The following PRKCA variants were observed in gnomAD, a reference collection of about 807,000 sequenced individuals.
PRKCA encodes protein kinase C alpha type.
A neutral mutation model predicts 87.0 loss-of-function variants in PRKCA; 27 were observed. The ratio of observed to expected loss-of-function variants is 0.31; its 90% CI spans 0.23 to 0.43. The LOEUF is 0.43. PRKCA is among the 20% of genes least tolerant of loss of function. PRKCA has a pLI of 1.00. For synonymous variants in PRKCA, 329 were observed against 311.1 expected (o/e 1.06, Z -0.61); for missense variants, 518 against 852.3 (o/e 0.61, Z 4.88).
intron 2 of PRKCA, among the ~76,000 whole-genome samples, chr17:66,399,173 G>A (rs373174859): frequency 6.7e-6 from 1 of 148,214 alleles, no homozygotes; most frequent in Admixed American, 6.9e-5. Flanking sequence ...ATCGCGGCTC[G>A]CTGTACCCTC....
intron 2 of PRKCA, among the ~76,000 whole-genome samples, chr17:66,421,851 TCTTTTTCTCTA>T (rs1384071107): frequency 6.6e-6 from 1 of 152,094 alleles, no homozygotes; most frequent in African/African-American, 2.4e-5. Flanking sequence ...CCTTGAAATT[TCTTTTTCTCTA>T]CTTTTTCCTT....
chr17:66,432,223 A>G (rs1214900424), intron 2 of PRKCA, among the ~76,000 whole-genome samples: 2 of 152,072 alleles, frequency 1.3e-5, no homozygotes, highest in Non-Finnish European at 2.9e-5. Context: ...AGGCTTTGAG[A>G]GGTGGGAGTG....
At chr17:66,529,661 T>C (rs1967473498) in intron 3 of PRKCA, among the ~76,000 whole-genome samples, 1 of 152,192 alleles carries the variant, frequency 6.6e-6, no homozygotes, top group African/African-American at 2.4e-5. Flanking sequence ...TTGTTTGTAT[T>C]TGTCCCAAGG....
intron 3 of PRKCA, among the ~76,000 whole-genome samples, chr17:66,613,331 T>C (rs955773585): frequency 6.6e-6 from 1 of 152,176 alleles, no homozygotes; most frequent in Non-Finnish European, 1.5e-5. Context: ...ACAAGAGAGA[T>C]GGTTATTTTT....
intron 4 of PRKCA, among the ~76,000 whole-genome samples, chr17:66,644,655 A>C (rs1203846456): frequency 1.3e-5 from 2 of 152,218 alleles, no homozygotes; most frequent in East Asian, 3.8e-4. Flanking sequence ...TAGGTTTAAA[A>C]TATCAAATAC....
At chr17:66,392,926 C>T (rs543799324) in intron 2 of PRKCA, among the ~76,000 whole-genome samples, 3 of 151,978 alleles carry the variant, frequency 2.0e-5, no homozygotes, top group African/African-American at 4.8e-5. Context: ...GTTCGCTTTC[C>T]AACAGTCGGG....
At chr17:66,428,510 T>C (rs1289388258) in intron 2 of PRKCA, among the ~76,000 whole-genome samples, 4 of 151,644 alleles carry the variant, frequency 2.6e-5, no homozygotes, top group South Asian at 2.1e-4. Flanking sequence ...TTCTTTCTTT[T>C]TTTTTTTTTT....
chr17:66,514,086 G>C (rs1423685484), intron 3 of PRKCA, among the ~76,000 whole-genome samples: 2 of 152,060 alleles, frequency 1.3e-5, no homozygotes, highest in African/African-American at 4.8e-5. Flanking sequence ...TAGTATAATT[G>C]TTCTATTTTA....
At chr17:66,542,169 T>A (rs1217517863) in intron 3 of PRKCA, among the ~76,000 whole-genome samples, 4 of 152,210 alleles carry the variant, frequency 2.6e-5, no homozygotes, top group African/African-American at 9.6e-5. Context: ...AACTTTAAAA[T>A]TATTACAGAG....
rs543447326 is a variant in PRKCA, at chr17:66,468,158, C to T, written c.206-28043C>T. On this transcript the variant is annotated intron_variant, in intron 2 of 16. Transcript: ENST00000413366. Reference sequence around the variant, plus strand: ...TGTCAAAAAGCACATATTTTCCATTCGACATTTTGGCTTAAAGAAATGAAA... The same window carrying T: ...TGTCAAAAAGCACATATTTTCCATTTGACATTTTGGCTTAAAGAAATGAAA... Among the ~76,000 whole-genome samples, 20 of 152,274 alleles carry T rather than the reference C, an allele frequency of 1.3e-4. No individual in the cohort carries two copies. In the South Asian group the frequency reaches 3.7e-3, roughly 28 times the overall value.
chr17:66,447,733 CT>C (rs1052588278), intron 2 of PRKCA, among the ~76,000 whole-genome samples: 7 of 152,226 alleles, frequency 4.6e-5, no homozygotes, highest in Admixed American at 4.6e-4. Context: ...CCAGGGCCCC[CT>C]GGCCCTTTGT....
intron 2 of PRKCA, among the ~76,000 whole-genome samples, chr17:66,379,897 C>A (rs1909687120): frequency 6.6e-6 from 1 of 151,778 alleles, no homozygotes; most frequent in South Asian, 2.1e-4. Flanking sequence ...GGTCTAATTT[C>A]TATTAAAAGT....
chr17:66,380,955 T>C (rs984066569), intron 2 of PRKCA, among the ~76,000 whole-genome samples: 1 of 151,698 alleles, frequency 6.6e-6, no homozygotes, highest in African/African-American at 2.4e-5. Flanking sequence ...TTTTTTTTTT[T>C]TGGAGACAGG....
At chr17:66,408,692 T>C (rs1567813684) in intron 2 of PRKCA, among the ~76,000 whole-genome samples, 1 of 152,134 alleles carries the variant, frequency 6.6e-6, no homozygotes, top group Non-Finnish European at 1.5e-5. Flanking sequence ...GAAAAAGAGG[T>C]CAGCAACAAA....
At chr17:66,767,298 G>A (rs745415785) in intron 13 of PRKCA, among the ~76,000 whole-genome samples, 1 of 152,190 alleles carries the variant, frequency 6.6e-6, no homozygotes. Context: ...GATGTTATTT[G>A]AGGACCTGCT....
intron 3 of PRKCA, among the ~76,000 whole-genome samples, chr17:66,515,371 C>T (rs190032717): frequency 2.6e-5 from 4 of 151,978 alleles, no homozygotes; most frequent in Admixed American, 2.6e-4. Context: ...TGTGTGCACA[C>T]GTGTGTGTAA....
At chr17:66,735,834 G>A (rs1023802435) in intron 10 of PRKCA, among the ~76,000 whole-genome samples, 172 bp downstream of exon 10, 3 of 151,788 alleles carry the variant, frequency 2.0e-5, no homozygotes, top group African/African-American at 7.3e-5. Context: ...GTAGATTTGG[G>A]GCATGCCTTC....
At chr17:66,428,978 G>C (rs1261189347) in intron 2 of PRKCA, among the ~76,000 whole-genome samples, 2 of 152,194 alleles carry the variant, frequency 1.3e-5, no homozygotes, top group Non-Finnish European at 2.9e-5. Context: ...ATTAGGTAAA[G>C]TTTGAGATAA....
chr17:66,592,261 A>G (rs1969830425), intron 3 of PRKCA, among the ~76,000 whole-genome samples: 1 of 146,150 alleles, frequency 6.8e-6, no homozygotes, highest in African/African-American at 2.6e-5. Context: ...AGGCTGAGGC[A>G]GGAGAATCGC....
Sources: allele counts gnomAD v4.1 joint callset (sites outside exome capture counted in the v4.1 genomes callset), GRCh38; gene constraint gnomAD v4.1.1; transcripts MANE v1.5; gene names NCBI Gene and HGNC (gene_info 2026-07-23, HGNC 2026-07-21).